Variants in SLC35F2 observed in about 807,000 individuals in gnomAD.
The protein encoded by SLC35F2 is queuine/queuosine transporter SLC35F2.
Under a neutral mutation model 38.1 loss-of-function variants are expected in SLC35F2, and 25 were observed. The ratio of observed to expected loss-of-function variants is 0.66; its 90% confidence interval spans 0.48 to 0.92. The LOEUF (loss-of-function observed/expected upper bound fraction) is 0.92. Ranked by LOEUF, SLC35F2 falls within the 40% of genes least tolerant of loss-of-function variation. The pLI is 0.00. For synonymous variants in SLC35F2, 173 were observed against 181.7 expected, an observed-to-expected ratio of 0.95 and a Z score of 0.38; for missense variants, 409 against 452.9, an observed-to-expected ratio of 0.90 and a Z score of 0.88.
Position 107,791,559 on chromosome 11 carries a change from G to T in SLC35F2, c.*1056C>A, listed in dbSNP as rs1231643816. 1 of 152,202 alleles carries T rather than the reference G, an allele frequency of 6.6e-6. No individual in the cohort carries two copies. Among genetic ancestry groups the T allele is most frequent in the Non-Finnish European group, 1.5e-5 (1 of 68,068 alleles). 9.4% of individuals were successfully genotyped at this position (152,202 alleles called of 1,614,324 possible). A position where few individuals can be genotyped will look rare whatever the true frequency, so the allele number is the denominator to read the frequency against. On this transcript the variant is annotated 3_prime_UTR_variant, in exon 8 of 8. Transcript: ENST00000525815. ...GTTTGCTCTGGGACCTGGAATGAGT[G>T]ATGGAGAAATGTTTTAAACAAACAA... is the stretch of plus-strand genomic sequence containing the variant.
intron 1 of SLC35F2, chr11:107,816,391 C>T (rs1859574714): frequency 3.8e-6 from 2 of 529,302 alleles, no homozygotes; most frequent in Non-Finnish European, 4.9e-6. Context: ...AAGCAATCCT[C>T]CCACTTCAGC....
At chr11:107,838,458 G>A (rs953115464) in intron 1 of SLC35F2, among the ~76,000 whole-genome samples, 3 of 151,786 alleles carry the variant, frequency 2.0e-5, no homozygotes, top group Admixed American at 2.0e-4. Context: ...CCGAGTAGCT[G>A]GGATTACAGG....
intron 1 of SLC35F2, among the ~76,000 whole-genome samples, chr11:107,848,982 T>C (rs569888816): frequency 5.9e-5 from 9 of 152,318 alleles, no homozygotes; most frequent in African/African-American, 2.2e-4. Context: ...ACTAGTCATA[T>C]CACATGAGAT....
At chr11:107,810,537 T>A in intron 3 of SLC35F2, 1 of 985,316 alleles carries the variant, frequency 1.0e-6, no homozygotes, top group Non-Finnish European at 1.2e-6. Context: ...GTACACTTAC[T>A]CCTATTAGTG....
In SLC35F2 at chr11:107,837,247, C is replaced by T. The variant is rs978492792; in HGVS notation, c.111-21282G>A. On this transcript the variant is annotated intron_variant, in intron 1 of 7. Transcript: ENST00000525815. ...ATGAGCTCTTACGTATATTAACATA[C>T]TGCATGTTCATACAACACTATATAT... Among the ~76,000 whole-genome samples, 4 of 152,182 alleles carry T rather than the reference C, an allele frequency of 2.6e-5. 1 individual carries two copies. Among genetic ancestry groups the T allele is most frequent in the Admixed American group, 1.3e-4 (2 of 15,284 alleles).
chr11:107,835,696 A>C (rs1410794149), intron 1 of SLC35F2, among the ~76,000 whole-genome samples: 2 of 151,848 alleles, frequency 1.3e-5, no homozygotes, highest in Non-Finnish European at 1.5e-5. Context: ...TCCCAAACAC[A>C]ATGACTCTTA....
chr11:107,807,776 T>C (rs572539067), intron 3 of SLC35F2, among the ~76,000 whole-genome samples: 4 of 152,242 alleles, frequency 2.6e-5, no homozygotes, highest in African/African-American at 9.6e-5. Context: ...GGTTTTGTCA[T>C]GTTGGCAAGG....
intron 1 of SLC35F2, among the ~76,000 whole-genome samples, chr11:107,843,443 G>C (rs546435327): frequency 6.6e-6 from 1 of 151,792 alleles, no homozygotes. Context: ...CCAGCTACTC[G>C]GGAGGCGGAG....
intron 1 of SLC35F2, among the ~76,000 whole-genome samples, chr11:107,838,748 C>G (rs532139926): frequency 2.0e-5 from 3 of 151,784 alleles, no homozygotes; most frequent in Admixed American, 6.6e-5. Context: ...CCTGCCTCAG[C>G]CTCCCAAGTA....
intron 1 of SLC35F2, among the ~76,000 whole-genome samples, chr11:107,826,507 G>A (rs1052609411): frequency 4.6e-5 from 7 of 152,152 alleles, no homozygotes; most frequent in African/African-American, 9.7e-5. Context: ...GCCTCCCAAA[G>A]TGCTGGGATT....
intron 1 of SLC35F2, among the ~76,000 whole-genome samples, chr11:107,843,451 G>A (rs1436723522): frequency 6.6e-6 from 1 of 151,788 alleles, no homozygotes; most frequent in African/African-American, 2.4e-5. Context: ...TCGGGAGGCG[G>A]AGGCAGGAGA....
At chr11:107,855,559 G>T (rs546528884) in intron 1 of SLC35F2, among the ~76,000 whole-genome samples, 71 of 152,146 alleles carry the variant, frequency 4.7e-4, no homozygotes, top group African/African-American at 1.4e-3. Context: ...GGCTGAGGTA[G>T]AAGAAGAGCT....
At position 107,805,504 on chromosome 11, in the gene SLC35F2, A is replaced by G. The variant is rs1398721126; in HGVS notation, c.586T>C (p.Leu196=). Residue 196 remains leucine (L), a synonymous_variant, in exon 5 of 8, where the codon TTG becomes CTG. Transcript: ENST00000525815. ...AGAAGGACCAAGATGTCACCAATCA[A>G]TACATCACTCCCTGCAGGAAGACAA... ...GREDNSGSDV[L]IGDILVLLGA... 2 of 1,613,168 alleles carry G rather than the reference A, an allele frequency of 1.2e-6. No individual in the cohort carries two copies. Among genetic ancestry groups the G allele is most frequent in the Non-Finnish European group, 1.7e-6 (2 of 1,179,744 alleles).
intron 6 of SLC35F2, among the ~76,000 whole-genome samples, chr11:107,803,776 A>AACACACACAC (rs71047623): frequency 0.36 from 53,644 of 149,408 alleles, 9,714 homozygotes; most frequent in Non-Finnish European, 0.4. Flanking sequence ...TCCCATACTC[A>AACACACACAC]ACACACACAC....
chr11:107,796,322 C>G (rs7109991), intron 7 of SLC35F2, among the ~76,000 whole-genome samples: 10,351 of 152,168 alleles, frequency 0.068, 853 homozygotes, highest in East Asian at 0.28. Context: ...GAGATACCTG[C>G]ACTCATCTGT....
At chr11:107,824,768 T>A (rs1215635644) in intron 1 of SLC35F2, among the ~76,000 whole-genome samples, 1 of 152,222 alleles carries the variant, frequency 6.6e-6, no homozygotes. Flanking sequence ...GCATTTTATT[T>A]CCTTCCTTCC....
Position 107,806,989 on chromosome 11 carries a change from A to G in SLC35F2, c.415-113T>C. ...TAATAGGAGTCAGTATTTATTGAGC[A>G]TTTATTATTGCCAGCCCTGTACTAA... On this transcript the variant is annotated intron_variant, in intron 3 of 7. Transcript: ENST00000525815. The G allele has an allele frequency of 7.5e-6, 7 of 933,144 alleles. No individual in the cohort carries two copies. The South Asian group carries it at 1.0e-4, about 14-fold the overall frequency. The allele number at this position is 933,144 out of a possible 1,614,324, so 57.8% of individuals were successfully genotyped here. A position where few individuals can be genotyped will look rare whatever the true frequency, so the allele number is the denominator to read the frequency against.
At chr11:107,800,179 C>T (rs1010249530) in intron 7 of SLC35F2, among the ~76,000 whole-genome samples, 2 of 152,014 alleles carry the variant, frequency 1.3e-5, no homozygotes, top group Admixed American at 6.6e-5. Context: ...TGAGCCACTG[C>T]GCCCGGCCTG....
chr11:107,805,514 C>A lies in SLC35F2; in HGVS notation c.576G>T (p.Gly192=), dbSNP rs1859377051. The A allele has an allele frequency of 6.2e-7, 1 of 1,611,274 alleles. No homozygotes were observed. The highest frequency in any genetic ancestry group is 1.7e-5 in the Admixed American group (1 of 59,258). The change falls in exon 5 of 8, where the codon GGG becomes GGT. Residue 192 remains glycine (G), a splice_region_variant and synonymous_variant. Transcript: ENST00000525815. ...DILAGREDNS[G]SDVLIGDILV... ...AGATGTCACCAATCAATACATCACT[C>A]CCTGCAGGAAGACAAGCCACAGAAA... is the stretch of plus-strand genomic sequence containing the variant.
Sources: allele counts gnomAD v4.1 joint callset (sites outside exome capture counted in the v4.1 genomes callset), GRCh38; gene constraint gnomAD v4.1.1; transcripts MANE v1.5; gene names NCBI Gene and HGNC (gene_info 2026-07-23, HGNC 2026-07-21).